The following MCM3AP variants were observed in gnomAD, a reference collection of about 807,000 sequenced individuals.
The protein encoded by MCM3AP is germinal-center associated nuclear protein.
In MCM3AP, 126 loss-of-function variants were observed where a neutral mutation model predicts 184.1. The ratio of observed to expected loss-of-function variants is 0.68; its 90% CI spans 0.59 to 0.79. The LOEUF (loss-of-function observed/expected upper bound fraction) is 0.79. MCM3AP is among the 30% of genes least tolerant of loss of function. The probability of loss-of-function intolerance (pLI) is 0.00; values close to 1 mark genes in which losing one functional copy is unlikely to be tolerated. For synonymous variants in MCM3AP, 1,002 were observed against 979.3 expected, an observed-to-expected ratio of 1.02 and a Z score of -0.43; for missense variants, 2,496 against 2,479.2, an observed-to-expected ratio of 1.01 and a Z score of -0.14.
In MCM3AP at chr21:46,265,375, C is replaced by T; in HGVS notation, c.3180G>A (p.Leu1060=). The change falls in exon 12 of 28, where the codon CTG becomes CTA. Residue 1060 remains leucine (L), a synonymous_variant. Transcript: ENST00000291688. ...TPSVAPSLFQ[L]SVQPEPPPPE... The stretch of plus-strand genomic sequence containing the variant: ...GAGGCGGTGGTTCAGGCTGCACAGA[C>T]AGCTGGAAGAGGCTGGGCGCCACAG... The T allele has an allele frequency of 1.9e-6, 3 of 1,614,064 alleles. No homozygotes were observed. The South Asian group carries it at 3.3e-5, about 18-fold the overall frequency.
Position 46,275,178 on chromosome 21 carries a change from G to GGCTCTACCTGGTCGGTCA in MCM3AP, c.1998+7_1998+8insTGACCGACCAGGTAGAGC, listed in dbSNP as rs769853094. Reference sequence around the variant, plus strand: ...GCCCACACTCCACGGGGAGATGCAGGGCTCTACCTGGTCAGTCCCTGGGAC... The same window carrying GGCTCTACCTGGTCGGTCA: ...GCCCACACTCCACGGGGAGATGCAGGGCTCTACCTGGTCGGTCAGCTCTACCTGGTCAGTCCCTGGGAC... On this transcript the variant is annotated splice_region_variant and intron_variant, in intron 6 of 27. Transcript: ENST00000291688. 9 of 1,610,150 alleles carry GGCTCTACCTGGTCGGTCA rather than the reference G, an allele frequency of 5.6e-6. No homozygotes were observed. Among genetic ancestry groups the GGCTCTACCTGGTCGGTCA allele is most frequent in the Admixed American group, 3.4e-5 (2 of 58,920 alleles).
chr21:46,258,897 C>A, intron 16 of MCM3AP, 42 bp downstream of exon 16: 1 of 1,609,070 alleles, frequency 6.2e-7, no homozygotes, highest in East Asian at 2.2e-5. Flanking sequence ...AAAGACTCTT[C>A]CCCGTGTGTG....
chr21:46,264,795 A>T (rs1197228874), intron 12 of MCM3AP, among the ~76,000 whole-genome samples: 1 of 672 alleles, frequency 1.5e-3, no homozygotes, highest in Admixed American at 0.023. Flanking sequence ...GGGCACAGCC[A>T]CCCCAGCCAT....
At chr21:46,262,556 G>A (rs2081053587) in intron 13 of MCM3AP, among the ~76,000 whole-genome samples, 1 of 152,110 alleles carries the variant, frequency 6.6e-6, no homozygotes, top group African/African-American at 2.4e-5. Context: ...GCTGAGGTGA[G>A]AGGATGGCTT....
chr21:46,262,392 C>T (rs965924599), intron 13 of MCM3AP, among the ~76,000 whole-genome samples: 1 of 152,066 alleles, frequency 6.6e-6, no homozygotes, highest in African/African-American at 2.4e-5. Context: ...TCATGCCTGT[C>T]ATCCCAGCAT....
intron 19 of MCM3AP, chr21:46,253,270 G>C (rs2080900218): frequency 6.6e-6 from 1 of 152,184 alleles, no homozygotes; most frequent in African/African-American, 2.4e-5. Flanking sequence ...GAAAAAAATG[G>C]AACTATAGTA....
intron 20 of MCM3AP, chr21:46,249,657 T>A (rs1417912377): frequency 4.5e-6 from 2 of 441,708 alleles, no homozygotes; most frequent in Admixed American, 2.6e-5. Context: ...GCATGACATA[T>A]AACATCCAAC....
Position 46,260,894 on chromosome 21 carries a change from C to T in MCM3AP, c.3480G>A (p.Glu1160=). The T allele has an allele frequency of 6.2e-7, 1 of 1,612,018 alleles. No homozygotes were observed. Among genetic ancestry groups the T allele is most frequent in the Non-Finnish European group, 8.5e-7 (1 of 1,178,018 alleles). The change falls in exon 15 of 28, where the codon GAG becomes GAA. Residue 1160 remains glutamate (E), a synonymous_variant. Coordinates refer to ENST00000291688, the MANE Select transcript of MCM3AP (RefSeq NM_003906.5). ...TCAGCTCACTTAACACCAGCTCTCT[C>T]TCTTGTTTCAACCTACAGGGAAGAG... ...QRAEEERLKQ[E]RELVLSELSQ... is the part of the protein sequence containing the mutation.
chr21:46,243,654 G>A lies in MCM3AP; in HGVS notation c.5107C>T (p.Gln1703Ter). 6.2e-7 allele frequency: 1 copy of A among 1,614,232 alleles called. No homozygotes were observed. The highest frequency in any genetic ancestry group is 8.5e-7 in the Non-Finnish European group (1 of 1,180,032). ...ASQIPSSRQT[Q>*]PVLQSQVENL... ...TCCACCTGGGACTGGAGGACAGGCT[G>A]TGTCTGGCGTGAGCTGGGGATCTGG... Residue 1703 changes from glutamine (Q) to a stop codon, truncating the protein, a stop_gained, in exon 24 of 28, where the codon CAG becomes TAG. Transcript: ENST00000291688. LOFTEE classifies it high-confidence loss of function.
At position 46,256,794 on chromosome 21, in the gene MCM3AP, G is replaced by C. The variant is rs757653822; in HGVS notation, c.3927C>G (p.Cys1309Trp). The change falls in exon 17 of 28, where the codon TGC (cysteine) becomes TGG (tryptophan). Residue 1309 changes from cysteine to tryptophan, a missense_variant. Around this residue, in one of 5 missense-constraint regions of MCM3AP, gnomAD observed 1,323 missense variants for 1,273.4 expected, o/e 1.04. Transcript: ENST00000291688. ...AGGCGACAGCTGATGCTGACCTGGT[G>C]CAGGAGATGCCCAATCTCCCTGCAT... ...LGHAGRLGIS[C>W]TRLRRLRNKT... is the part of the protein sequence containing the mutation. 1.3e-6 allele frequency: 2 copies of C among 1,552,232 alleles called. No individual in the cohort carries two copies. The highest frequency in any genetic ancestry group is 2.0e-5 in the Admixed American group (1 of 51,174).
At position 46,285,086 on chromosome 21, in the gene MCM3AP, G is replaced by C. The variant is rs2081392366; in HGVS notation, c.201C>G (p.Ser67=). The C allele has an allele frequency of 1.9e-6, 3 of 1,614,186 alleles. No homozygotes were observed. Among genetic ancestry groups the C allele is most frequent in the South Asian group, 1.1e-5 (1 of 91,090 alleles). ...SFPASSGVSH[S]SSVQTLGFTQ... is the part of the protein sequence containing the mutation. ...TGAACCCTAATGTTTGCACTGAAGA[G>C]GAATGACTTACTCCAGAAGACGCTG... The change falls in exon 1 of 28, where the codon TCC becomes TCG. Residue 67 remains serine (S), a synonymous_variant. Coordinates refer to ENST00000291688, the MANE Select transcript of MCM3AP (RefSeq NM_003906.5).
chr21:46,279,278 T>A (rs1443681879), intron 4 of MCM3AP, among the ~76,000 whole-genome samples: 1 of 129,972 alleles, frequency 7.7e-6, no homozygotes, highest in Non-Finnish European at 1.7e-5. Context: ...ACAGCCAGAC[T>A]GTGTCTCAAA....
intron 11 of MCM3AP, 62 bp downstream of exon 11, chr21:46,265,863 T>TC: frequency 6.7e-7 from 1 of 1,501,608 alleles, no homozygotes; most frequent in Non-Finnish European, 8.9e-7. Context: ...CCCAGGCTCC[T>TC]GGGAGGCGTT....
At position 46,275,299 on chromosome 21, in the gene MCM3AP, T is replaced by C. The variant is rs1390177903; in HGVS notation, c.1885A>G (p.Lys629Glu). 1 of 1,613,826 alleles carries C rather than the reference T, an allele frequency of 6.2e-7. No individual in the cohort carries two copies. The highest frequency in any genetic ancestry group is 1.3e-5 in the African/African-American group (1 of 74,896). Reference protein sequence around the residue: ...QARVKRTDLDKARTFVGTCLD... With the variant: ...QARVKRTDLDEARTFVGTCLD... ...CAGGTGCCAACAAAAGTCCTCGCTT[T>C]GTCCAGATCGGTTCTCTTCACCCGA... is the stretch of plus-strand genomic sequence containing the variant. The change falls in exon 6 of 28, where the codon AAA becomes GAA. Residue 629 changes from lysine (K) to glutamate (E), a missense_variant. This residue lies in a region of MCM3AP where 130 missense variants were observed against 199.8 expected (regional missense o/e 0.65). Coordinates refer to ENST00000291688, the MANE Select transcript of MCM3AP (RefSeq NM_003906.5).
At chr21:46,267,586 T>TA (rs113683191) in intron 9 of MCM3AP, 11,927 of 143,764 alleles carry the variant, frequency 0.083, 577 homozygotes, top group Middle Eastern at 0.12. Flanking sequence ...ACAAGAGCCT[T>TA]AAAAAAAAAA....
chr21:46,272,074 T>C (rs1043774124), intron 8 of MCM3AP, among the ~76,000 whole-genome samples: 18 of 152,008 alleles, frequency 1.2e-4, no homozygotes, highest in African/African-American at 4.1e-4. Flanking sequence ...AGACTTCGCA[T>C]GTAAGTGACT....
intron 26 of MCM3AP, among the ~76,000 whole-genome samples, chr21:46,239,364 G>A (rs2080606662): frequency 6.6e-6 from 1 of 152,240 alleles, no homozygotes; most frequent in South Asian, 2.1e-4. Context: ...AATCCAGAAG[G>A]AAGATGATAG....
In MCM3AP at chr21:46,284,859, T is replaced by G. The variant is rs749895963; in HGVS notation, c.428A>C (p.Glu143Ala). 4 of 1,614,042 alleles carry G rather than the reference T, an allele frequency of 2.5e-6. No individual in the cohort carries two copies. The East Asian group carries it at 8.9e-5, about 36-fold the overall frequency. Residue 143 changes from glutamate to alanine, a missense_variant, in exon 1 of 28, where the codon GAA becomes GCA. Around this residue, in one of 5 missense-constraint regions of MCM3AP, gnomAD observed 800 missense variants for 717.1 expected, o/e 1.12. Coordinates refer to ENST00000291688, the MANE Select transcript of MCM3AP (RefSeq NM_003906.5). Reference protein sequence around the residue: ...EIVNSGFGKTEFSFKPLENAV... With the variant: ...EIVNSGFGKTAFSFKPLENAV... The stretch of plus-strand genomic sequence containing the variant: ...ATTTTCCAGAGGTTTAAAGCTGAAT[T>G]CTGTTTTCCCAAAACCAGAGTTCAC...
Position 46,266,015 on chromosome 21 carries a change from AC to A in MCM3AP, c.2940del (p.Cys981AlafsTer40). 1 of 1,611,190 alleles carries A rather than the reference AC, an allele frequency of 6.2e-7. No homozygotes were observed. The highest frequency in any genetic ancestry group is 1.1e-5 in the South Asian group (1 of 89,850). On this transcript the variant is annotated frameshift_variant, in exon 11 of 28. Transcript: ENST00000291688. LOFTEE classifies it high-confidence loss of function. ...TACTTGTTCTGGGAGTTGAAGCTGC[AC>A]ACAGGGGTATGACGAGGGACGGGGG... is the stretch of plus-strand genomic sequence containing the variant. ...PLPPVPRHTP[V>X]CSFNSQNKYI...
Sources: gnomAD v4.1 joint callset for allele counts (sites outside exome capture counted in the v4.1 genomes callset) on GRCh38, gnomAD v4.1.1 for gene constraint, gnomAD v4.1.1 regional missense constraint, MANE v1.5 for transcripts, NCBI Gene and HGNC (gene_info 2026-07-23, HGNC 2026-07-21) for gene names.